The following CENPP variants were observed in gnomAD, a reference collection of about 807,000 sequenced individuals.
The protein encoded by CENPP is centromere protein P.
CENPP carries 24 observed loss-of-function variants against 35.6 expected under a neutral mutation model. That is an observed-to-expected ratio of 0.67 (90% CI 0.49 to 0.95). The LOEUF (loss-of-function observed/expected upper bound fraction) is 0.95, where lower values mean the gene tolerates loss of function less well. CENPP is among the 40% of genes least tolerant of loss of function. The pLI is 0.00. For synonymous variants in CENPP, 120 were observed against 125.5 expected (o/e 0.96, Z 0.29); for missense variants, 332 against 345.3 (o/e 0.96, Z 0.31).
intron 5 of CENPP, among the ~76,000 whole-genome samples, chr9:92,416,046 T>TATGTGTGTGTGTG (rs1202073989): frequency 6.0e-5 from 6 of 100,376 alleles, no homozygotes; most frequent in Admixed American, 3.6e-4. Flanking sequence ...AATAAATATA[T>TATGTGTGTGTGTG]TATATATGTG....
At chr9:92,568,416 C>T (rs1318453031) in intron 5 of CENPP, among the ~76,000 whole-genome samples, 2 of 152,164 alleles carry the variant, frequency 1.3e-5, no homozygotes, top group Non-Finnish European at 2.9e-5. Flanking sequence ...GACATGAACT[C>T]GTCATTTTTT....
At chr9:92,434,353 C>T (rs75193470) in intron 5 of CENPP, among the ~76,000 whole-genome samples, 3,850 of 143,440 alleles carry the variant, frequency 0.027, 74 homozygotes, top group Non-Finnish European at 0.039. Context: ...TGTGCCCCTG[C>T]ATTTCAGCCT....
chr9:92,466,280 T>A, intron 5 of CENPP: 1 of 948,318 alleles, frequency 1.1e-6, no homozygotes, highest in South Asian at 1.6e-5. Flanking sequence ...GAAATTATTC[T>A]TAATAGTGAC....
intron 2 of CENPP, among the ~76,000 whole-genome samples, chr9:92,337,208 C>A (rs1489509861): frequency 1.3e-5 from 2 of 152,090 alleles, no homozygotes; most frequent in African/African-American, 4.8e-5. Flanking sequence ...ATCCCAGCTA[C>A]TCGGGAGGCT....
chr9:92,429,560 G>A lies in CENPP; in HGVS notation c.564+49701G>A, dbSNP rs373109211. ...CCAGGACCTTGGGAGGCTGAGGAGG[G>A]CGGATTACCTGAGGTCAGGAGTTCC... is the stretch of plus-strand genomic sequence containing the variant. On this transcript the variant is annotated intron_variant, in intron 5 of 7. Transcript: ENST00000375587. Among the ~76,000 whole-genome samples, 85 of 152,246 alleles carry A rather than the reference G, an allele frequency of 5.6e-4. No homozygotes were observed. The East Asian group carries it at 0.013, about 23-fold the overall frequency.
chr9:92,337,924 T>C (rs1312368612), intron 3 of CENPP, among the ~76,000 whole-genome samples: 1 of 152,112 alleles, frequency 6.6e-6, no homozygotes, highest in Non-Finnish European at 1.5e-5. Flanking sequence ...TAGTCCTGGG[T>C]GTCATCAGTA....
intron 5 of CENPP, among the ~76,000 whole-genome samples, chr9:92,413,402 GTTATTTGTC>G (rs1843500705): frequency 6.6e-6 from 1 of 152,120 alleles, no homozygotes; most frequent in African/African-American, 2.4e-5. Context: ...GCCAACACTT[GTTATTTGTC>G]TGCCTTTTGA....
intron 5 of CENPP, among the ~76,000 whole-genome samples, chr9:92,566,352 GC>G (rs1457699323): frequency 5.3e-5 from 8 of 150,752 alleles, no homozygotes; most frequent in African/African-American, 1.9e-4. Flanking sequence ...TAAAAATATA[GC>G]CTTTCAAAGG....
chr9:92,453,968 A>G (rs75577943), intron 5 of CENPP, among the ~76,000 whole-genome samples: 2 of 147,642 alleles, frequency 1.4e-5, no homozygotes, highest in Non-Finnish European at 3.0e-5. Context: ...GAAAAAAAAG[A>G]AAAAAAAAAA....
chr9:92,334,255 G>A (rs1023071061), intron 2 of CENPP, among the ~76,000 whole-genome samples: 5 of 151,844 alleles, frequency 3.3e-5, no homozygotes, highest in Non-Finnish European at 7.4e-5. Context: ...CGCGTAGCTG[G>A]GACTACAGGC....
At chr9:92,356,701 A>G (rs1024371620) in intron 4 of CENPP, among the ~76,000 whole-genome samples, 4 of 152,266 alleles carry the variant, frequency 2.6e-5, no homozygotes, top group African/African-American at 7.2e-5. Context: ...AGAAATTATA[A>G]AAGTATTGTT....
At chr9:92,328,926 T>C (rs1840651134) in intron 1 of CENPP, among the ~76,000 whole-genome samples, 1 of 152,244 alleles carries the variant, frequency 6.6e-6, no homozygotes, top group African/African-American at 2.4e-5. Context: ...ATGCACATTG[T>C]TGTACAGCCA....
At chr9:92,376,213 C>T (rs1385781538) in intron 4 of CENPP, among the ~76,000 whole-genome samples, 1 of 152,180 alleles carries the variant, frequency 6.6e-6, no homozygotes, top group Non-Finnish European at 1.5e-5. Context: ...GACTTTATTC[C>T]CCAAAGATTC....
At chr9:92,530,367 G>A (rs1238198684) in intron 5 of CENPP, among the ~76,000 whole-genome samples, 2 of 152,042 alleles carry the variant, frequency 1.3e-5, no homozygotes, top group African/African-American at 4.8e-5. Context: ...TGAGAACTCT[G>A]TACTTTCCAC....
rs372699831 is a variant in CENPP, at chr9:92,514,638, C to G, written c.565-96676C>G. On this transcript the variant is annotated intron_variant, in intron 5 of 7. Transcript: ENST00000375587. ...GAAGTCAACATCTCTTACCAGTGAG[C>G]TCCAGACTTGTTATCTGTGGTGCTG... 1.9e-5 allele frequency: 30 copies of G among 1,578,940 alleles called. No individual in the cohort carries two copies. The African/African-American group carries it at 3.2e-4, about 17-fold the overall frequency.
At position 92,338,516 on chromosome 9, in the gene CENPP, C is replaced by T. The variant is rs562962666; in HGVS notation, c.378+887C>T. ...TCCAATACCCAATACAATGTAAACG[C>T]TATGAAATAGTTACTATAGTATATT... On this transcript the variant is annotated intron_variant, in intron 3 of 7. Transcript: ENST00000375587. Among the ~76,000 whole-genome samples, 8 of 152,204 alleles carry T rather than the reference C, an allele frequency of 5.3e-5. No homozygotes were observed. In the South Asian group the frequency reaches 1.7e-3, roughly 32 times the overall value.
At chr9:92,426,140 G>C (rs983483474) in intron 5 of CENPP, among the ~76,000 whole-genome samples, 11 of 152,156 alleles carry the variant, frequency 7.2e-5, no homozygotes, top group Non-Finnish European at 1.3e-4. Context: ...GGGGATGGGG[G>C]GAGGTGGTGG....
intron 4 of CENPP, among the ~76,000 whole-genome samples, chr9:92,366,803 G>C (rs575559444): frequency 6.6e-6 from 1 of 152,136 alleles, no homozygotes; most frequent in Non-Finnish European, 1.5e-5. Flanking sequence ...AGAGGATCAC[G>C]ATTCAGTTAG....
chr9:92,506,731 T>C (rs1447050057), intron 5 of CENPP, among the ~76,000 whole-genome samples: 1 of 152,020 alleles, frequency 6.6e-6, no homozygotes, highest in Non-Finnish European at 1.5e-5. Flanking sequence ...AAGATTTAGA[T>C]AGAAGTAGGA....
Sources: allele counts gnomAD v4.1 joint callset (sites outside exome capture counted in the v4.1 genomes callset), GRCh38; gene constraint gnomAD v4.1.1; transcripts MANE v1.5; gene names NCBI Gene and HGNC (gene_info 2026-07-23, HGNC 2026-07-21).